The following IL17RB variants were observed in gnomAD, a reference collection of about 807,000 sequenced individuals.
The protein encoded by IL17RB is interleukin-17 receptor B.
IL17RB carries 36 observed loss-of-function variants against 43.9 expected under a neutral mutation model. The ratio of observed to expected loss-of-function variants is 0.82; its 90% CI spans 0.63 to 1.08. The LOEUF is 1.08. Among genes scored for constraint, IL17RB ranks in the 50% least tolerant of loss-of-function variants. The pLI, the probability that IL17RB is intolerant of heterozygous loss-of-function variation, is 0.00. For synonymous variants in IL17RB, 225 were observed against 225.4 expected (o/e 1.00, Z 0.02); for missense variants, 613 against 613.6 (o/e 1.00, Z 0.01).
At chr3:53,859,183 A>G (rs1699464072) in intron 9 of IL17RB, 1 of 164,996 alleles carries the variant, frequency 6.1e-6, no homozygotes. Flanking sequence ...TGATTCAATT[A>G]CCAGTCTCAG....
intron 1 of IL17RB, 31 bp downstream of exon 1, chr3:53,846,679 C>T (rs768977653): frequency 6.4e-7 from 1 of 1,562,076 alleles, no homozygotes; most frequent in East Asian, 2.4e-5. Context: ...CTTCCCTCAT[C>T]TCCCGGCCCT....
intron 1 of IL17RB, among the ~76,000 whole-genome samples, chr3:53,847,993 T>A (rs1158324590): frequency 6.6e-6 from 1 of 152,234 alleles, no homozygotes; most frequent in Non-Finnish European, 1.5e-5. Context: ...CATTTGAGCT[T>A]GCTGCTGCCT....
At chr3:53,857,821 T>C (rs1699399805) in intron 8 of IL17RB, 131 bp downstream of exon 8, 4 of 809,886 alleles carry the variant, frequency 4.9e-6, no homozygotes, top group East Asian at 2.7e-5. Context: ...GTGGCGTTCA[T>C]GGGGGCTCTT....
rs1250205762 is a variant in IL17RB, at chr3:53,865,231, G to A, written c.1432G>A (p.Glu478Lys). 6.2e-7 allele frequency: 1 copy of A among 1,613,574 alleles called. No individual in the cohort carries two copies. Among genetic ancestry groups the A allele is most frequent in the Admixed American group, 1.7e-5 (1 of 60,024 alleles). ...GAAGGATGCCACTGCTTTCTGTGCA[G>A]AACTTCTCCATGTCAAGCAGCAGGT... ...LMKDATAFCA[E>K]LLHVKQQVSA... Residue 478 changes from glutamate to lysine, a missense_variant, in exon 11 of 11, where the codon GAA becomes AAA. By Grantham distance (56) the Glu-to-Lys change is moderately conservative. Transcript: ENST00000288167.
At chr3:53,852,722 G>T in intron 4 of IL17RB, 149 bp from the exon 5 acceptor site, 2 of 633,846 alleles carry the variant, frequency 3.2e-6, no homozygotes, top group Non-Finnish European at 5.4e-6. Context: ...AAATTGTTTA[G>T]TGCCCATTCC....
chr3:53,851,525 G>T (rs1182593278), intron 3 of IL17RB, among the ~76,000 whole-genome samples: 1 of 152,204 alleles, frequency 6.6e-6, no homozygotes, highest in Non-Finnish European at 1.5e-5. Context: ...AGTGAAACTT[G>T]AAGAGGTAGA....
chr3:53,864,772 A>C lies in IL17RB; in HGVS notation c.973A>C (p.Thr325Pro), dbSNP rs764688119. The change falls in exon 11 of 11, where the codon ACC becomes CCC. Residue 325 changes from threonine (T) to proline (P), a missense_variant. Physicochemically the swap from Thr to Pro is conservative, Grantham distance 38. Transcript: ENST00000288167. ...HERIKKTSFSTTTLLPPIKVL... is the reference protein window; with the variant it reads ...HERIKKTSFSPTTLLPPIKVL... ...AAGGATCAAGAAGACTTCCTTTTCTACCACCACACTACTGCCCCCCATTAA... is the reference window on the plus strand; with the variant it reads ...AAGGATCAAGAAGACTTCCTTTTCTCCCACCACACTACTGCCCCCCATTAA... The C allele has an allele frequency of 6.2e-7, 1 of 1,610,580 alleles. No homozygotes were observed. The highest frequency in any genetic ancestry group is 1.1e-5 in the South Asian group (1 of 90,836).
chr3:53,863,220 A>G (rs1699630411), intron 10 of IL17RB, among the ~76,000 whole-genome samples: 1 of 152,214 alleles, frequency 6.6e-6, no homozygotes, highest in Non-Finnish European at 1.5e-5. Context: ...TTAGAAGTTA[A>G]GTTGTGGGAA....
intron 6 of IL17RB, among the ~76,000 whole-genome samples, chr3:53,856,176 A>G (rs1310870908): frequency 6.6e-6 from 1 of 152,214 alleles, no homozygotes; most frequent in Non-Finnish European, 1.5e-5. Context: ...CTGAACTCCT[A>G]AAGACAGTTC....
intron 10 of IL17RB, chr3:53,861,653 A>G (rs1218609935): frequency 4.6e-5 from 7 of 152,244 alleles, no homozygotes. Context: ...GGAGAATTTA[A>G]TGCCAGTAAA....
chr3:53,858,176 G>A (rs1699416294), intron 8 of IL17RB: 1 of 196,638 alleles, frequency 5.1e-6, no homozygotes, highest in African/African-American at 2.3e-5. Flanking sequence ...TAGTTTTTGA[G>A]GTGGGGACAC....
chr3:53,846,705 A>T, intron 1 of IL17RB, 57 bp downstream of exon 1: 1 of 1,503,478 alleles, frequency 6.7e-7, no homozygotes, highest in Non-Finnish European at 8.9e-7. Context: ...CCAGATCCTG[A>T]CGTCGTCTGA....
intron 10 of IL17RB, among the ~76,000 whole-genome samples, chr3:53,864,492 G>A (rs573081203): frequency 1.3e-5 from 2 of 152,072 alleles, no homozygotes; most frequent in South Asian, 4.2e-4. Context: ...CCGAGGTCAC[G>A]CCACTGCACT....
intron 5 of IL17RB, among the ~76,000 whole-genome samples, chr3:53,853,895 T>C (rs1029468679): frequency 2.6e-5 from 4 of 151,996 alleles, no homozygotes; most frequent in Non-Finnish European, 4.4e-5. Flanking sequence ...TTTTATTATT[T>C]ATTTATTTAT....
rs779327768 is a variant in IL17RB at position 53,865,008 on chromosome 3, G to A, written c.1209G>A (p.Val403=). 3.1e-6 allele frequency: 5 copies of A among 1,614,210 alleles called. No homozygotes were observed. The highest frequency in any genetic ancestry group is 1.6e-4 in the Middle Eastern group (1 of 6,062). ...VFLLSNDVNS[V]CDGTCGKSEG... ...TTCTTTCCAATGACGTCAACAGTGTGTGCGATGGTACCTGTGGCAAGAGCG... is the reference window on the plus strand; with the variant it reads ...TTCTTTCCAATGACGTCAACAGTGTATGCGATGGTACCTGTGGCAAGAGCG... Residue 403 remains valine (V), a synonymous_variant, in exon 11 of 11, where the codon GTG becomes GTA. Coordinates refer to ENST00000288167, the MANE Select transcript of IL17RB (RefSeq NM_018725.4).
At chr3:53,855,742 G>C (rs1380345048) in intron 6 of IL17RB, among the ~76,000 whole-genome samples, 3 of 152,200 alleles carry the variant, frequency 2.0e-5, no homozygotes, top group African/African-American at 7.2e-5. Flanking sequence ...GGGATCCTAA[G>C]AACCTTCTGT....
At chr3:53,861,729 T>C (rs1351302383) in intron 10 of IL17RB, among the ~76,000 whole-genome samples, 1 of 152,206 alleles carries the variant, frequency 6.6e-6, no homozygotes, top group African/African-American at 2.4e-5. Flanking sequence ...GAGAAGCAGC[T>C]TCTGCTGACC....
At chr3:53,853,024 C>T in intron 5 of IL17RB, 27 bp downstream of exon 5, 1 of 1,613,292 alleles carries the variant, frequency 6.2e-7, no homozygotes, top group Non-Finnish European at 8.5e-7. Context: ...GTTTATTATT[C>T]TTTGTCTTGC....
chr3:53,858,603 C>A, intron 8 of IL17RB, 116 bp from the exon 9 acceptor site: 1 of 1,489,376 alleles, frequency 6.7e-7, no homozygotes, highest in South Asian at 1.3e-5. Flanking sequence ...TGCATGACAA[C>A]ACTAGAGGTA....
Sources: allele counts gnomAD v4.1 joint callset (sites outside exome capture counted in the v4.1 genomes callset), GRCh38; gene constraint gnomAD v4.1.1; transcripts MANE v1.5; gene names NCBI Gene and HGNC (gene_info 2026-07-23, HGNC 2026-07-21).